Variants in PLCH1 observed in about 807,000 individuals in gnomAD.
The protein encoded by PLCH1 is 1-phosphatidylinositol 4,5-bisphosphate phosphodiesterase eta-1.
PLCH1 carries 60 observed loss-of-function variants against 126.7 expected under a neutral mutation model. The observed-to-expected ratio is 0.47, with a 90% CI of 0.38 to 0.59. PLCH1 has a LOEUF of 0.59. Among genes scored for constraint, PLCH1 ranks in the 20% least tolerant of loss-of-function variants. The probability of loss-of-function intolerance (pLI) is 0.00; values close to 1 mark genes in which losing one functional copy is unlikely to be tolerated. For synonymous variants in PLCH1, 719 were observed against 734.9 expected (o/e 0.98, Z 0.35); for missense variants, 1,723 against 2,040.0 (o/e 0.84, Z 2.99).
At chr3:155,453,175 A>C (rs1245163198) in intron 21 of PLCH1, among the ~76,000 whole-genome samples, 1 of 152,218 alleles carries the variant, frequency 6.6e-6, no homozygotes, top group African/African-American at 2.4e-5. Context: ...AACACTCTTC[A>C]GAAGTGTCAA....
intron 12 of PLCH1, among the ~76,000 whole-genome samples, chr3:155,513,618 G>C (rs1719910956): frequency 6.6e-6 from 1 of 152,126 alleles, no homozygotes; most frequent in Non-Finnish European, 1.5e-5. Flanking sequence ...AGGCGAGGAG[G>C]GTGGAAAGAT....
chr3:155,468,950 C>A (rs1373293612), intron 21 of PLCH1, among the ~76,000 whole-genome samples: 1 of 152,146 alleles, frequency 6.6e-6, no homozygotes, highest in African/African-American at 2.4e-5. Flanking sequence ...ACATTTCATC[C>A]AAGAGCTGCA....
chr3:155,598,448 G>A (rs572239292), intron 2 of PLCH1, among the ~76,000 whole-genome samples: 364 of 152,246 alleles, frequency 2.4e-3, no homozygotes, highest in South Asian at 8.5e-3. Context: ...GAACTTCACT[G>A]ACCACTGACA....
intron 21 of PLCH1, among the ~76,000 whole-genome samples, chr3:155,468,937 A>G (rs748979907): frequency 8.5e-5 from 13 of 152,248 alleles, no homozygotes; most frequent in Non-Finnish European, 1.5e-4. Flanking sequence ...AGGTATTTAC[A>G]GAACATTTCA....
At chr3:155,549,699 T>G (rs1725847634) in intron 10 of PLCH1, 88 bp downstream of exon 10, 1 of 871,602 alleles carries the variant, frequency 1.1e-6, no homozygotes, top group South Asian at 1.7e-5. Context: ...TAATTATTAT[T>G]CTCCCTTGAA....
At chr3:155,502,082 G>A (rs1371505447) in intron 13 of PLCH1, among the ~76,000 whole-genome samples, 1 of 152,140 alleles carries the variant, frequency 6.6e-6, no homozygotes, top group Non-Finnish European at 1.5e-5. Flanking sequence ...TTCAGTGACA[G>A]TAAGATGCCA....
intron 18 of PLCH1, among the ~76,000 whole-genome samples, chr3:155,492,477 A>G (rs1011617177): frequency 2.0e-5 from 3 of 152,174 alleles, no homozygotes; most frequent in Non-Finnish European, 4.4e-5. Flanking sequence ...TTGCACTCCA[A>G]TTTTAGCAAT....
At chr3:155,474,390 C>G (rs1185889813) in intron 21 of PLCH1, among the ~76,000 whole-genome samples, 8 of 150,070 alleles carry the variant, frequency 5.3e-5, no homozygotes, top group South Asian at 2.3e-4. Context: ...CTATCTCACA[C>G]CAGTTAGAAT....
chr3:155,681,189 CATT>C (rs1025721733), intron 2 of PLCH1, among the ~76,000 whole-genome samples: 18 of 152,158 alleles, frequency 1.2e-4, no homozygotes, highest in African/African-American at 3.9e-4. Context: ...AAAAAAATAA[CATT>C]ATTTTTTAAA....
In PLCH1 at chr3:155,530,569, G is replaced by A. The variant is rs558873829; in HGVS notation, c.1363-6565C>T. 3.1e-4 allele frequency among the ~76,000 whole-genome samples: 34 copies of A among 111,124 alleles called. 1 individual carries two copies. Among genetic ancestry groups the A allele is most frequent in the South Asian group, 9.1e-4 (3 of 3,312 alleles). 72.9% of individuals were successfully genotyped at this position (111,124 alleles called of 152,430 possible). A position where few individuals can be genotyped will look rare whatever the true frequency, so the allele number is the denominator to read the frequency against. ...CCTGACCTCATGATCTGCCCACCTCGGTCTCCCACAGGCTCCACTTCTAGT... is the reference window on the plus strand; with the variant it reads ...CCTGACCTCATGATCTGCCCACCTCAGTCTCCCACAGGCTCCACTTCTAGT... On this transcript the variant is annotated intron_variant, in intron 10 of 22. Transcript: ENST00000460012.
intron 2 of PLCH1, among the ~76,000 whole-genome samples, chr3:155,624,929 T>C (rs1737036922): frequency 6.6e-6 from 1 of 152,158 alleles, no homozygotes; most frequent in South Asian, 2.1e-4. Flanking sequence ...AGAGCCTGCA[T>C]AGCTAAGACA....
chr3:155,483,026 T>G lies in PLCH1; in HGVS notation c.3000A>C (p.Lys1000Asn). 2 of 1,613,126 alleles carry G rather than the reference T, an allele frequency of 1.2e-6. No homozygotes were observed. The highest frequency in any genetic ancestry group is 1.7e-6 in the Non-Finnish European group (2 of 1,179,512). ...GTGGATCTTTTATACTTGCTTTCCCTTTTCTTCTGCCATCTTTATCTTCTG... is the reference window on the plus strand; with the variant it reads ...GTGGATCTTTTATACTTGCTTTCCCGTTTCTTCTGCCATCTTTATCTTCTG... ...SLAEDKDGRR[K>N]GKASIKDPHF... is the part of the protein sequence containing the mutation. Residue 1000 changes from lysine (K) to asparagine (N), a missense_variant, in exon 23 of 23, where the codon AAA (lysine) becomes AAC (asparagine). Lys to Asn is a moderately conservative substitution (Grantham distance 94). Transcript: ENST00000460012.
chr3:155,703,851 G>A (rs1429598545), intron 2 of PLCH1, among the ~76,000 whole-genome samples: 2 of 152,172 alleles, frequency 1.3e-5, no homozygotes, highest in Admixed American at 1.3e-4. Flanking sequence ...ACAAACATCA[G>A]AAAGGGATAT....
At chr3:155,512,005 T>C (rs898921403) in intron 12 of PLCH1, among the ~76,000 whole-genome samples, 5 of 151,596 alleles carry the variant, frequency 3.3e-5, no homozygotes, top group South Asian at 2.1e-4. Context: ...ATCAGCGAGA[T>C]TCCGTGGGCG....
chr3:155,490,936 A>T, intron 18 of PLCH1, 68 bp from the exon 19 acceptor site: 1 of 883,130 alleles, frequency 1.1e-6, no homozygotes, highest in Non-Finnish European at 1.8e-6. Context: ...TAATCTGAGA[A>T]TATTGGCCAA....
At chr3:155,467,834 C>T (rs1712989644) in intron 21 of PLCH1, among the ~76,000 whole-genome samples, 1 of 152,118 alleles carries the variant, frequency 6.6e-6, no homozygotes, top group African/African-American at 2.4e-5. Context: ...CCAGACTTGT[C>T]CTATAAGAAA....
At chr3:155,609,659 G>T (rs924289814) in intron 2 of PLCH1, among the ~76,000 whole-genome samples, 3 of 151,862 alleles carry the variant, frequency 2.0e-5, no homozygotes, top group Non-Finnish European at 4.4e-5. Context: ...TAAAGGATAT[G>T]AATGAAAAAT....
At chr3:155,651,789 T>C (rs965563603) in intron 2 of PLCH1, among the ~76,000 whole-genome samples, 3 of 152,228 alleles carry the variant, frequency 2.0e-5, no homozygotes, top group African/African-American at 7.2e-5. Context: ...TTCAATTTTA[T>C]TGATAGGCAA....
At chr3:155,503,934 CTTGCACAAAT>C (rs1183110530) in intron 13 of PLCH1, among the ~76,000 whole-genome samples, 1 of 152,246 alleles carries the variant, frequency 6.6e-6, no homozygotes, top group Non-Finnish European at 1.5e-5. Flanking sequence ...GGCCAAAGTA[CTTGCACAAAT>C]GTGCACAACC....
Sources: allele counts gnomAD v4.1 joint callset (sites outside exome capture counted in the v4.1 genomes callset), GRCh38; gene constraint gnomAD v4.1.1; transcripts MANE v1.5; gene names NCBI Gene and HGNC (gene_info 2026-07-23, HGNC 2026-07-21).